The following KCNQ5 variants were observed in gnomAD, a reference collection of about 807,000 sequenced individuals.
The protein encoded by KCNQ5 is potassium voltage-gated channel subfamily KQT member 5.
In KCNQ5, 30 loss-of-function variants were observed where a neutral mutation model predicts 98.2. The ratio of observed to expected loss-of-function variants is 0.31; its 90% CI spans 0.23 to 0.41. The LOEUF is 0.41. KCNQ5 is among the 10% of genes least tolerant of loss of function. KCNQ5 has a pLI of 1.00. For missense variants in KCNQ5, 835 were observed against 1,182.5 expected (o/e 0.71, Z 4.31); for synonymous variants, 458 against 449.4 (o/e 1.02, Z -0.24).
At chr6:73,011,553 G>A (rs180855181) in intron 2 of KCNQ5, among the ~76,000 whole-genome samples, 19 of 152,118 alleles carry the variant, frequency 1.2e-4, no homozygotes, top group Admixed American at 5.9e-4. Context: ...CATGACATTG[G>A]ATTTGTCAGT....
At chr6:73,065,749 AT>A (rs1471451375) in intron 3 of KCNQ5, among the ~76,000 whole-genome samples, 1 of 151,890 alleles carries the variant, frequency 6.6e-6, no homozygotes, top group Admixed American at 6.5e-5. Context: ...GTCTTTTTAT[AT>A]TTTTTTGCCT....
chr6:73,077,983 A>G (rs1773603366), intron 5 of KCNQ5, 96 bp downstream of exon 5: 1 of 1,014,536 alleles, frequency 9.9e-7, no homozygotes, highest in Non-Finnish European at 1.4e-6. Flanking sequence ...CAATAAAAAT[A>G]TTAAATTGCG....
chr6:72,768,483 G>A (rs1041643770), intron 1 of KCNQ5, among the ~76,000 whole-genome samples: 2 of 152,040 alleles, frequency 1.3e-5, no homozygotes, highest in African/African-American at 2.4e-5. Context: ...TTGTTTTAGA[G>A]CAGTTTTGCT....
chr6:72,981,719 C>G lies in KCNQ5; in HGVS notation c.399-22189C>G, dbSNP rs1768464309. Reference sequence around the variant, plus strand: ...CTGCTAGCTTTTGAATGTGTTTGCTCTTGCTTCTCTACTTCTTTTAATTGT... The same window carrying G: ...CTGCTAGCTTTTGAATGTGTTTGCTGTTGCTTCTCTACTTCTTTTAATTGT... On this transcript the variant is annotated intron_variant, in intron 1 of 13. Transcript: ENST00000370398. Among the ~76,000 whole-genome samples the G allele has an allele frequency of 2.0e-5, 3 of 152,232 alleles. No homozygotes were observed. The South Asian group carries it at 6.2e-4, about 32-fold the overall frequency.
intron 10 of KCNQ5, among the ~76,000 whole-genome samples, chr6:73,158,790 A>T (rs925815392): frequency 5.9e-5 from 9 of 152,162 alleles, no homozygotes; most frequent in Non-Finnish European, 4.4e-5. Context: ...TATAATCAAC[A>T]TAAGTAGTTT....
chr6:72,918,018 T>C (rs1780234710), intron 1 of KCNQ5, among the ~76,000 whole-genome samples: 1 of 152,130 alleles, frequency 6.6e-6, no homozygotes. Context: ...CACCCCTTAG[T>C]TGTAACAACC....
chr6:72,931,540 G>A (rs2150229637), intron 1 of KCNQ5, among the ~76,000 whole-genome samples: 1 of 152,224 alleles, frequency 6.6e-6, no homozygotes, highest in South Asian at 2.1e-4. Context: ...ACCCTGGAAA[G>A]CATATGGACA....
intron 1 of KCNQ5, among the ~76,000 whole-genome samples, chr6:72,858,708 T>C (rs1935525): frequency 0.99 from 150,724 of 152,106 alleles, 74,693 homozygotes; most frequent in East Asian, 1. Context: ...TATATAGCAT[T>C]CTCTGTTGTC....
intron 1 of KCNQ5, among the ~76,000 whole-genome samples, chr6:72,981,825 T>G (rs1768472375): frequency 6.6e-6 from 1 of 152,236 alleles, no homozygotes; most frequent in Non-Finnish European, 1.5e-5. Flanking sequence ...TACACACTGC[T>G]TTAAATGTGT....
At position 73,078,313 on chromosome 6, in the gene KCNQ5, A is replaced by G. The variant is rs114480342; in HGVS notation, c.918+426A>G. On this transcript the variant is annotated intron_variant, in intron 5 of 13. Transcript: ENST00000370398. ...AGCTGTGAATAAAATTGCAGCACAA[A>G]GAAATGAAAAAGAAGACTGGTAACC... Among the ~76,000 whole-genome samples, 1,463 of 152,226 alleles carry G rather than the reference A, an allele frequency of 9.6e-3. 25 individuals are homozygous for G. Among genetic ancestry groups the G allele is most frequent in the African/African-American group, 0.033 (1,378 of 41,546 alleles).
intron 5 of KCNQ5, among the ~76,000 whole-genome samples, chr6:73,100,530 G>A (rs1348949824): frequency 4.0e-5 from 6 of 151,644 alleles, no homozygotes; most frequent in East Asian, 1.9e-4. Flanking sequence ...ATAGCTGGGC[G>A]TGGTGGCAGG....
At chr6:72,795,943 G>C (rs1434986090) in intron 1 of KCNQ5, among the ~76,000 whole-genome samples, 2 of 151,866 alleles carry the variant, frequency 1.3e-5, no homozygotes, top group African/African-American at 4.8e-5. Context: ...AGGACAACTG[G>C]TGTGCCCTGT....
At chr6:72,710,126 A>G (rs1285446550) in intron 1 of KCNQ5, among the ~76,000 whole-genome samples, 2 of 152,306 alleles carry the variant, frequency 1.3e-5, no homozygotes, top group Non-Finnish European at 2.9e-5. Context: ...AGTGCTTGTT[A>G]TTACAAATGG....
chr6:72,834,241 T>C (rs754174069), intron 1 of KCNQ5, among the ~76,000 whole-genome samples: 4 of 152,122 alleles, frequency 2.6e-5, no homozygotes, highest in Non-Finnish European at 4.4e-5. Context: ...AAAAAGACTT[T>C]CATTAAATTG....
chr6:73,063,133 GTC>G (rs1316843218), intron 3 of KCNQ5, among the ~76,000 whole-genome samples: 3 of 152,140 alleles, frequency 2.0e-5, no homozygotes, highest in Non-Finnish European at 4.4e-5. Context: ...GCCATCTCCA[GTC>G]TCCTTATAAA....
chr6:72,879,338 C>A (rs1375132652), intron 1 of KCNQ5, among the ~76,000 whole-genome samples: 1 of 152,158 alleles, frequency 6.6e-6, no homozygotes, highest in Non-Finnish European at 1.5e-5. Flanking sequence ...AATCACTCCT[C>A]TTCATTGTTT....
chr6:73,104,673 A>C (rs1246524483), intron 5 of KCNQ5, among the ~76,000 whole-genome samples: 1 of 152,174 alleles, frequency 6.6e-6, no homozygotes, highest in African/African-American at 2.4e-5. Context: ...TCAAGCTTAT[A>C]ATAACTAATC....
intron 1 of KCNQ5, among the ~76,000 whole-genome samples, chr6:72,749,376 T>C (rs1317581743): frequency 6.6e-6 from 1 of 152,150 alleles, no homozygotes; most frequent in Non-Finnish European, 1.5e-5. Context: ...ATAGGAATTA[T>C]TACCAGTCAG....
intron 1 of KCNQ5, among the ~76,000 whole-genome samples, chr6:72,728,744 GA>G (rs992327375): frequency 6.6e-6 from 1 of 152,056 alleles, no homozygotes; most frequent in East Asian, 1.9e-4. Context: ...GACAAGCAAA[GA>G]AAAAAATTTC....
Sources: allele counts gnomAD v4.1 joint callset (sites outside exome capture counted in the v4.1 genomes callset), GRCh38; gene constraint gnomAD v4.1.1; transcripts MANE v1.5; gene names NCBI Gene and HGNC (gene_info 2026-07-23, HGNC 2026-07-21).